Variants in MAP7D2 observed in about 807,000 individuals in gnomAD.
MAP7D2 encodes the protein MAP7 domain-containing protein 2.
A neutral mutation model predicts 63.5 loss-of-function variants in MAP7D2; 33 were observed. The observed-to-expected ratio is 0.52, with a 90% CI of 0.39 to 0.70. MAP7D2 has a LOEUF of 0.70. MAP7D2 is among the 30% of genes least tolerant of loss of function. MAP7D2 has a pLI of 0.00. For synonymous variants in MAP7D2, 224 were observed against 223.7 expected (o/e 1.00, Z -0.01); for missense variants, 626 against 604.0 (o/e 1.04, Z -0.38).
At chrX:20,100,005 G>C (rs776289494) in intron 1 of MAP7D2, among the ~76,000 whole-genome samples, 6 of 111,168 alleles carry the variant, frequency 5.4e-5, no homozygotes, top group Admixed American at 9.6e-5. Flanking sequence ...TCAGATCCTG[G>C]GGGCTGAGCA....
chrX:20,054,587 C>T (rs1028314981), intron 4 of MAP7D2, among the ~76,000 whole-genome samples: 1 of 110,393 alleles, frequency 9.1e-6, no homozygotes, highest in Non-Finnish European at 1.9e-5. Flanking sequence ...CTGCACCTTT[C>T]TTTTTTCTTT....
At chrX:20,081,780 G>A (rs1353577178) in intron 1 of MAP7D2, among the ~76,000 whole-genome samples, 1 of 110,556 alleles carries the variant, frequency 9.0e-6, no homozygotes, top group Non-Finnish European at 1.9e-5. Flanking sequence ...AGCCTCCTGA[G>A]TAGCTGGGAT....
intron 1 of MAP7D2, among the ~76,000 whole-genome samples, chrX:20,095,235 T>C (rs1239443357): frequency 8.9e-6 from 1 of 112,050 alleles, no homozygotes; most frequent in African/African-American, 3.2e-5. Flanking sequence ...TGTTTGTTTG[T>C]TTGTTTTTCA....
chrX:20,016,781 CAA>C (rs1417670825), intron 10 of MAP7D2, among the ~76,000 whole-genome samples: 1 of 112,101 alleles, frequency 8.9e-6, no homozygotes, highest in Non-Finnish European at 1.9e-5. Flanking sequence ...ACTACGAACT[CAA>C]AAAGTCATAC....
At chrX:20,100,146 C>T (rs1194256322) in intron 1 of MAP7D2, among the ~76,000 whole-genome samples, 3 of 112,127 alleles carry the variant, frequency 2.7e-5, no homozygotes, top group African/African-American at 9.7e-5. Flanking sequence ...ATAGCCTGCT[C>T]ATGAAGTGGT....
intron 1 of MAP7D2, among the ~76,000 whole-genome samples, chrX:20,109,621 C>T (rs1162741607): frequency 9.1e-6 from 1 of 109,825 alleles, no homozygotes; most frequent in East Asian, 2.9e-4. Flanking sequence ...GGGCAAATAA[C>T]TTAACCTTTC....
intron 3 of MAP7D2, among the ~76,000 whole-genome samples, chrX:20,057,014 T>G (rs984204849): frequency 8.9e-6 from 1 of 112,320 alleles, no homozygotes; most frequent in Non-Finnish European, 1.9e-5. Context: ...AAACACCGTG[T>G]GTCCTGTCCC....
intron 1 of MAP7D2, among the ~76,000 whole-genome samples, chrX:20,107,931 G>A (rs2066615917): frequency 9.0e-6 from 1 of 111,708 alleles, no homozygotes; most frequent in African/African-American, 3.3e-5. Flanking sequence ...ATAAATTGAA[G>A]AATCAACAGA....
chrX:20,080,770 T>C (rs1358822180), intron 1 of MAP7D2, among the ~76,000 whole-genome samples: 1 of 111,069 alleles, frequency 9.0e-6, no homozygotes, highest in African/African-American at 3.3e-5. Flanking sequence ...GGAGCATTAA[T>C]TGAGAGGGAA....
intron 1 of MAP7D2, among the ~76,000 whole-genome samples, chrX:20,095,785 A>C (rs1317469036): frequency 8.9e-6 from 1 of 111,898 alleles, no homozygotes; most frequent in Non-Finnish European, 1.9e-5. Flanking sequence ...ATTTGGCCTT[A>C]AAAAGAAAAG....
chrX:20,112,278 C>A (rs2066766294), intron 1 of MAP7D2, among the ~76,000 whole-genome samples: 1 of 111,930 alleles, frequency 8.9e-6, no homozygotes. Context: ...CCCTGTCATT[C>A]CAAGGATCTC....
chrX:20,103,155 T>G (rs1480170138), intron 1 of MAP7D2, among the ~76,000 whole-genome samples: 1 of 111,730 alleles, frequency 9.0e-6, no homozygotes, highest in Admixed American at 9.5e-5. Context: ...CCTGCCAACC[T>G]TTTGCTGGAA....
At chrX:20,033,530 A>C (rs1256111150) in intron 8 of MAP7D2, among the ~76,000 whole-genome samples, 1 of 112,262 alleles carries the variant, frequency 8.9e-6, no homozygotes, top group Non-Finnish European at 1.9e-5. Context: ...CCCAATGATG[A>C]AAACAATAAA....
chrX:20,014,573 T>A (rs2073319988), intron 12 of MAP7D2, among the ~76,000 whole-genome samples: 1 of 109,236 alleles, frequency 9.2e-6, no homozygotes, highest in African/African-American at 3.3e-5. Context: ...CTCAAAAAAA[T>A]AAAAGGCAGG....
At chrX:20,029,788 G>T (rs2073990752) in intron 8 of MAP7D2, among the ~76,000 whole-genome samples, 1 of 78,689 alleles carries the variant, frequency 1.3e-5, no homozygotes, top group Non-Finnish European at 2.2e-5. Flanking sequence ...GCAAGTCATA[G>T]ATTTTTTTTT....
chrX:20,064,944 T>A (rs1157518278), intron 1 of MAP7D2, 139 bp from the exon 2 acceptor site: 6 of 499,303 alleles, frequency 1.2e-5, no homozygotes, highest in Non-Finnish European at 2.1e-5. Context: ...CCAAAGGAAG[T>A]CCAATCTGTC....
chrX:20,105,544 T>C (rs1478606159), intron 1 of MAP7D2, among the ~76,000 whole-genome samples: 7 of 112,143 alleles, frequency 6.2e-5, no homozygotes, highest in African/African-American at 1.3e-4. Flanking sequence ...ACACTGGAAC[T>C]TCCCTGTTTA....
Position 20,010,971 on chromosome X carries a change from T to C in MAP7D2, c.2154A>G (p.Gln718=), listed in dbSNP as rs975871454. The change falls in exon 16 of 17, where the codon CAA becomes CAG. Residue 718 remains glutamine (Q), a synonymous_variant. Transcript: ENST00000379643. ...GTGCTCGGGCATTACCAGTTCCATTTTGGTCCAGAGACACCCCAGGAATCA... is the reference window on the plus strand; with the variant it reads ...GTGCTCGGGCATTACCAGTTCCATTCTGGTCCAGAGACACCCCAGGAATCA... ...SEMIPGVSLD[Q]NGTGNARALQ... The C allele has an allele frequency of 3.3e-6, 4 of 1,209,324 alleles. No individual in the cohort carries two copies. Among genetic ancestry groups the C allele is most frequent in the Non-Finnish European group, 4.5e-6 (4 of 894,935 alleles).
At chrX:20,085,152 G>A (rs1026473389) in intron 1 of MAP7D2, among the ~76,000 whole-genome samples, 1 of 111,719 alleles carries the variant, frequency 9.0e-6, no homozygotes, top group Non-Finnish European at 1.9e-5. Flanking sequence ...CCCCTCCTAA[G>A]GACATTAGTA....
Sources: gnomAD v4.1 joint callset for allele counts (sites outside exome capture counted in the v4.1 genomes callset) on GRCh38, gnomAD v4.1.1 for gene constraint, MANE v1.5 for transcripts, NCBI Gene and HGNC (gene_info 2026-07-23, HGNC 2026-07-21) for gene names.